Variants in CDK14 observed in about 807,000 individuals in gnomAD.
CDK14 encodes cyclin dependent kinase 14.
In CDK14, 34 loss-of-function variants were observed where a neutral mutation model predicts 60.7. The observed-to-expected ratio is 0.56, with a 90% CI of 0.43 to 0.75. CDK14 has a LOEUF of 0.75. Ranked by LOEUF, CDK14 falls within the 30% of genes least tolerant of loss-of-function variation. The pLI is 0.00. For synonymous variants in CDK14, 197 were observed against 203.7 expected, an observed-to-expected ratio of 0.97 and a Z score of 0.28; for missense variants, 482 against 564.1, an observed-to-expected ratio of 0.85 and a Z score of 1.47.
intron 2 of CDK14, among the ~76,000 whole-genome samples, chr7:90,654,664 T>A (rs12704556): frequency 0.28 from 41,765 of 151,698 alleles, 6,153 homozygotes; most frequent in Non-Finnish European, 0.34. Context: ...ATTAATAGGC[T>A]TTTTTTGGGT....
chr7:91,053,552 C>T (rs909770275), intron 11 of CDK14, among the ~76,000 whole-genome samples: 11 of 152,152 alleles, frequency 7.2e-5, no homozygotes, highest in East Asian at 5.8e-4. Context: ...CATATTCTTC[C>T]GCCCTTTAAA....
At chr7:91,143,747 C>T (rs1188504251) in intron 14 of CDK14, among the ~76,000 whole-genome samples, 1 of 152,100 alleles carries the variant, frequency 6.6e-6, no homozygotes, top group African/African-American at 2.4e-5. Context: ...GAGAACATCT[C>T]ACTTAATGAG....
At chr7:90,709,390 G>A (rs1360027002) in intron 2 of CDK14, 2 of 1,384,396 alleles carry the variant, frequency 1.4e-6, no homozygotes, top group African/African-American at 3.0e-5. Flanking sequence ...AATTGAGCAT[G>A]ATGAGGTGCA....
chr7:90,811,589 A>G (rs896142947), intron 5 of CDK14, among the ~76,000 whole-genome samples: 3 of 151,712 alleles, frequency 2.0e-5, no homozygotes, highest in Non-Finnish European at 2.9e-5. Context: ...ACCAAAAGCA[A>G]TGGCAACAAA....
chr7:90,598,703 G>GTTTTT (rs1563010964), intron 1 of CDK14, among the ~76,000 whole-genome samples: 2 of 18,624 alleles, frequency 1.1e-4, no homozygotes, highest in African/African-American at 2.2e-4. Flanking sequence ...ATTATCTAAG[G>GTTTTT]ATTTTTTTTT....
rs984678329 is a variant in CDK14, at chr7:90,984,207, A to G, written c.1007A>G (p.Lys336Arg). The change falls in exon 10 of 15, where the codon AAA becomes AGA. Residue 336 changes from lysine to arginine, a missense_variant. Physicochemically the swap from Lys to Arg is conservative, Grantham distance 26. Transcript: ENST00000380050. ...GGAGTTGCTGCTTTTCCAGGAATGA[A>G]AGACATTCAGGATCAACTTGAACGA... is the stretch of plus-strand genomic sequence containing the variant. ...IQGVAAFPGMKDIQDQLERIF... is the reference protein window; with the variant it reads ...IQGVAAFPGMRDIQDQLERIF... 1.2e-6 allele frequency: 2 copies of G among 1,612,598 alleles called. No individual in the cohort carries two copies. The highest frequency in any genetic ancestry group is 3.3e-5 in the Admixed American group (2 of 60,006).
At chr7:90,818,361 GT>G (rs1184673257) in intron 5 of CDK14, among the ~76,000 whole-genome samples, 2 of 152,148 alleles carry the variant, frequency 1.3e-5, no homozygotes, top group Non-Finnish European at 2.9e-5. Flanking sequence ...TTTTTAAGTT[GT>G]TGCCTTATCA....
intron 6 of CDK14, among the ~76,000 whole-genome samples, chr7:90,896,845 G>T (rs1249552114): frequency 6.6e-6 from 1 of 152,158 alleles, no homozygotes; most frequent in Non-Finnish European, 1.5e-5. Flanking sequence ...TTTGAGGAAA[G>T]GATGTAATAT....
At chr7:90,908,849 T>C (rs1296418390) in intron 7 of CDK14, among the ~76,000 whole-genome samples, 2 of 152,186 alleles carry the variant, frequency 1.3e-5, no homozygotes, top group Non-Finnish European at 2.9e-5. Context: ...TATTTGAAAT[T>C]AGTTTTTCTT....
chr7:91,123,181 A>G (rs1799835629), intron 14 of CDK14, among the ~76,000 whole-genome samples: 1 of 152,212 alleles, frequency 6.6e-6, no homozygotes, highest in African/African-American at 2.4e-5. Flanking sequence ...TCTCAACTAT[A>G]GACACAAACG....
At chr7:91,018,293 A>G (rs1468156487) in intron 10 of CDK14, among the ~76,000 whole-genome samples, 2 of 152,150 alleles carry the variant, frequency 1.3e-5, no homozygotes, top group Non-Finnish European at 2.9e-5. Flanking sequence ...TGTCTGTATC[A>G]TGAACATAAG....
chr7:91,097,707 C>T (rs941205202), intron 12 of CDK14, among the ~76,000 whole-genome samples: 1 of 152,084 alleles, frequency 6.6e-6, no homozygotes, highest in Non-Finnish European at 1.5e-5. Flanking sequence ...ACTGAGGCTA[C>T]GTTGCTCCTC....
At chr7:90,908,423 A>T (rs1792782278) in intron 7 of CDK14, among the ~76,000 whole-genome samples, 1 of 152,200 alleles carries the variant, frequency 6.6e-6, no homozygotes, top group South Asian at 2.1e-4. Flanking sequence ...ACCCAGATTG[A>T]AAAGGAATCA....
intron 4 of CDK14, among the ~76,000 whole-genome samples, chr7:90,783,142 A>G (rs537201012): frequency 6.6e-6 from 1 of 152,268 alleles, no homozygotes; most frequent in South Asian, 2.1e-4. Flanking sequence ...ATGAGTTTGT[A>G]TATTTGATAA....
At chr7:90,888,627 A>G (rs1352309167) in intron 6 of CDK14, among the ~76,000 whole-genome samples, 1 of 152,104 alleles carries the variant, frequency 6.6e-6, no homozygotes. Context: ...CCATATTCCT[A>G]TCAGAGTGGC....
intron 9 of CDK14, among the ~76,000 whole-genome samples, chr7:90,957,739 G>A (rs1039892332): frequency 2.0e-5 from 3 of 151,984 alleles, no homozygotes; most frequent in African/African-American, 4.8e-5. Context: ...CATGCTCATG[G>A]GTAGGAAGAA....
chr7:91,174,141 C>T (rs1255788616), intron 14 of CDK14, among the ~76,000 whole-genome samples: 2 of 151,984 alleles, frequency 1.3e-5, no homozygotes. Context: ...TCAAGTGGGT[C>T]CCTGACCCCT....
intron 14 of CDK14, among the ~76,000 whole-genome samples, chr7:91,189,208 A>C (rs1802278418): frequency 6.6e-6 from 1 of 152,200 alleles, no homozygotes; most frequent in South Asian, 2.1e-4. Context: ...TCAAAGCATT[A>C]AATAATGCTC....
intron 2 of CDK14, among the ~76,000 whole-genome samples, chr7:90,672,885 A>G (rs6960011): frequency 0.29 from 43,635 of 151,810 alleles, 6,678 homozygotes; most frequent in Non-Finnish European, 0.34. Context: ...GGCTATTATG[A>G]CTAATGTAGC....
Sources: allele counts gnomAD v4.1 joint callset (sites outside exome capture counted in the v4.1 genomes callset), GRCh38; gene constraint gnomAD v4.1.1; transcripts MANE v1.5; gene names NCBI Gene and HGNC (gene_info 2026-07-23, HGNC 2026-07-21).